PEG3: variants seen among roughly 807,000 people sequenced by gnomAD.
PEG3 encodes the protein paternally-expressed gene 3 protein.
Under a neutral mutation model 35.5 loss-of-function variants are expected in PEG3, and 23 were observed. That is an observed-to-expected ratio of 0.65 (90% confidence interval 0.47 to 0.92). PEG3 has a LOEUF of 0.92. PEG3 is among the 40% of genes least tolerant of loss of function. PEG3 has a pLI of 0.00. For missense variants in PEG3, 1,960 were observed against 1,985.3 expected (o/e 0.99, Z 0.24); for synonymous variants, 707 against 697.0 (o/e 1.01, Z -0.23).
intron 2 of PEG3, among the ~76,000 whole-genome samples, chr19:56,827,368 A>G (rs2061145060): frequency 6.6e-6 from 1 of 152,210 alleles, no homozygotes; most frequent in Non-Finnish European, 1.5e-5. Flanking sequence ...GCCCTTGGTC[A>G]ATAGAAGCCA....
Position 56,824,259 on chromosome 19 carries a change from C to T in PEG3, c.394+3G>A, listed in dbSNP as rs2060802923. The T allele has an allele frequency of 1.9e-6, 3 of 1,612,724 alleles. No homozygotes were observed. In the East Asian group the frequency reaches 6.7e-5, roughly 36 times the overall value. On this transcript the variant is annotated splice_donor_region_variant and intron_variant, in intron 4 of 9. Transcript: ENST00000326441. ...ACCACCAACACCCCGTGGAGACTCT[C>T]ACCTTCTGGTTGGTACATCTCCTTG...
At position 56,812,818 on chromosome 19, in the gene PEG3, T is replaced by TAAA. The variant is rs11392622; in HGVS notation, c.*854_*856dup. 167 of 867,474 alleles carry TAAA rather than the reference T, an allele frequency of 1.9e-4. No homozygotes were observed. The highest frequency in any genetic ancestry group is 2.2e-4 in the South Asian group (4 of 18,540). 53.7% of individuals were successfully genotyped at this position (867,474 alleles called of 1,614,324 possible). On this transcript the variant is annotated 3_prime_UTR_variant, in exon 10 of 10. Transcript: ENST00000326441. ...ATCATCAAACACATATTGAGTTGGT[T>TAAA]AAAAAAAAAAAAAACCCAGAACACA...
chr19:56,831,012 C>T (rs984137582), intron 2 of PEG3, among the ~76,000 whole-genome samples: 19 of 151,958 alleles, frequency 1.3e-4, no homozygotes, highest in African/African-American at 3.6e-4. Context: ...CATAAAGACA[C>T]GTGTATCACA....
At chr19:56,820,055 A>G (rs1174853273) in intron 7 of PEG3, among the ~76,000 whole-genome samples, 2 of 152,234 alleles carry the variant, frequency 1.3e-5, no homozygotes, top group Non-Finnish European at 2.9e-5. Flanking sequence ...GCACGCTTTG[A>G]TTGAAAATTA....
At chr19:56,826,101 C>T (rs902667979) in intron 3 of PEG3, among the ~76,000 whole-genome samples, 2 of 152,178 alleles carry the variant, frequency 1.3e-5, no homozygotes, top group African/African-American at 4.8e-5. Flanking sequence ...TGAGAAACCA[C>T]GGAGAGCACA....
At position 56,818,610 on chromosome 19, in the gene PEG3, C is replaced by T. The variant is rs1445970877; in HGVS notation, c.762G>A (p.Leu254=). The change falls in exon 8 of 10, where the codon CTG becomes CTA. Residue 254 remains leucine, a synonymous_variant. Transcript: ENST00000326441. The part of the protein sequence containing the change: ...IQDNMENYRK[L]LSLVQLAEDD... ...GAAGCAGCTGCTTACCGAGGGAGAG[C>T]AGCTTCCTGTAGTTTTCCATGTTGT... The T allele has an allele frequency of 1.2e-6, 2 of 1,613,976 alleles. No homozygotes were observed. The highest frequency in any genetic ancestry group is 8.5e-7 in the Non-Finnish European group (1 of 1,180,018).
At position 56,811,468 on chromosome 19, in the gene PEG3, G is replaced by T; in HGVS notation, c.*2207C>A. The stretch of plus-strand genomic sequence containing the variant: ...AACTCGTGATTATCATTTTTAAACA[G>T]TTGCATTAAGTGTCCACAGATAGGT... On this transcript the variant is annotated 3_prime_UTR_variant, in exon 10 of 10. Coordinates refer to ENST00000326441, the MANE Select transcript of PEG3 (RefSeq NM_006210.3). The T allele has an allele frequency of 1.0e-6, 1 of 968,588 alleles. No homozygotes were observed. The highest frequency in any genetic ancestry group is 1.2e-6 in the Non-Finnish European group (1 of 814,692). 60.0% of individuals were successfully genotyped at this position (968,588 alleles called of 1,614,324 possible).
chr19:56,828,904 A>C (rs921077026), intron 2 of PEG3, among the ~76,000 whole-genome samples: 2 of 152,224 alleles, frequency 1.3e-5, no homozygotes, highest in African/African-American at 4.8e-5. Flanking sequence ...TAGAGAAGCT[A>C]GCTGGTGCAG....
At chr19:56,838,900 G>C (rs1313317315) in intron 1 of PEG3, among the ~76,000 whole-genome samples, 1 of 152,064 alleles carries the variant, frequency 6.6e-6, no homozygotes, top group Non-Finnish European at 1.5e-5. Context: ...CAGCCGCCCC[G>C]ATCAAAGATG....
intron 2 of PEG3, chr19:56,833,486 C>T (rs148740292): frequency 6.1e-4 from 165 of 272,590 alleles, no homozygotes; most frequent in African/African-American, 3.2e-3. Context: ...CCCAGGCCTA[C>T]GTCACCTCCC....
chr19:56,829,029 T>C (rs1691316854), intron 2 of PEG3, among the ~76,000 whole-genome samples: 1 of 152,000 alleles, frequency 6.6e-6, no homozygotes, highest in African/African-American at 2.4e-5. Context: ...GCCAAGTAGA[T>C]AAAATGATAA....
intron 7 of PEG3, among the ~76,000 whole-genome samples, 187 bp downstream of exon 7, chr19:56,821,464 G>A (rs1371074719): frequency 1.3e-5 from 2 of 152,148 alleles, no homozygotes; most frequent in Admixed American, 6.5e-5. Flanking sequence ...GAACGACAAA[G>A]AAACAGCCAG....
In PEG3 at chr19:56,810,805, G is replaced by A. The variant is rs2048095813; in HGVS notation, c.*2870C>T. 2.1e-6 allele frequency: 2 copies of A among 973,168 alleles called. No homozygotes were observed. Among genetic ancestry groups the A allele is most frequent in the East Asian group, 1.1e-4 (1 of 8,764 alleles). The allele number at this position is 973,168 out of a possible 1,614,324, so 60.3% of individuals were successfully genotyped here. ...ATCAAGATGTTAGCAGTAGTTGTTA[G>A]GTGTTGGGAATATAGGTAATTTTTT... On this transcript the variant is annotated 3_prime_UTR_variant, in exon 10 of 10. Transcript: ENST00000326441.
At chr19:56,839,033 TGCCCCCATCA>T (rs1224336525) in intron 1 of PEG3, among the ~76,000 whole-genome samples, 2 of 146,916 alleles carry the variant, frequency 1.4e-5, no homozygotes, top group Non-Finnish European at 3.0e-5. Context: ...AAACCTCAGC[TGCCCCCATCA>T]AAGATGGCGC....
rs191731843 is a variant in PEG3 at position 56,837,237 on chromosome 19, C to T, written c.-249-1133G>A. Among the ~76,000 whole-genome samples the T allele has an allele frequency of 3.0e-3, 461 of 152,006 alleles. 1 individual carries two copies. Among genetic ancestry groups the T allele is most frequent in the African/African-American group, 9.9e-3 (409 of 41,468 alleles). On this transcript the variant is annotated intron_variant, in intron 1 of 9. Coordinates refer to ENST00000326441, the MANE Select transcript of PEG3 (RefSeq NM_006210.3). ...AGTTTCTCCAGAGGCCCCACCCTAC[C>T]TATGGGGCAGCCCCTTTAAACACAC...
In PEG3 at chr19:56,812,108, CA is replaced by C; in HGVS notation, c.*1566del. ...TCAAATGATCTACACTTACATTTTGCAAATCTTTTTTTTTAAATTTTTTAAA... is the reference window on the plus strand; with the variant it reads ...TCAAATGATCTACACTTACATTTTGCAATCTTTTTTTTTAAATTTTTTAAA... On this transcript the variant is annotated 3_prime_UTR_variant, in exon 10 of 10. Coordinates refer to ENST00000326441, the MANE Select transcript of PEG3 (RefSeq NM_006210.3). The C allele has an allele frequency of 1.0e-6, 1 of 975,118 alleles. No homozygotes were observed. The highest frequency in any genetic ancestry group is 1.2e-6 in the Non-Finnish European group (1 of 820,620). 60.4% of individuals were successfully genotyped at this position (975,118 alleles called of 1,614,324 possible).
intron 4 of PEG3, 79 bp downstream of exon 4, chr19:56,824,183 G>A (rs2060791121): frequency 1.3e-6 from 2 of 1,557,990 alleles, no homozygotes; most frequent in East Asian, 4.5e-5. Flanking sequence ...TCCAGACCAT[G>A]TCAGAAGTGT....
At chr19:56,839,240 G>A (rs7254166) in intron 1 of PEG3, among the ~76,000 whole-genome samples, 76,095 of 148,866 alleles carry the variant, frequency 0.51, 19,698 homozygotes, top group South Asian at 0.64. Flanking sequence ...CAGCACCTGC[G>A]CAGCAAACTC....
At chr19:56,839,203 G>A (rs1019814324) in intron 1 of PEG3, among the ~76,000 whole-genome samples, 1 of 152,062 alleles carries the variant, frequency 6.6e-6, no homozygotes, top group African/African-American at 2.4e-5. Flanking sequence ...GCCTTGCCCC[G>A]CCCCATCTGC....
Sources: allele counts gnomAD v4.1 joint callset (sites outside exome capture counted in the v4.1 genomes callset), GRCh38; gene constraint gnomAD v4.1.1; transcripts MANE v1.5; gene names NCBI Gene and HGNC (gene_info 2026-07-23, HGNC 2026-07-21).